The following ZMAT4 variants were observed in gnomAD, a reference collection of about 807,000 sequenced individuals.
The protein encoded by ZMAT4 is zinc finger matrin-type protein 4.
Under a neutral mutation model 28.7 loss-of-function variants are expected in ZMAT4, and 17 were observed. That is an observed-to-expected ratio of 0.59 (90% CI 0.41 to 0.89). The LOEUF (loss-of-function observed/expected upper bound fraction) is 0.89. Among genes scored for constraint, ZMAT4 ranks in the 40% least tolerant of loss-of-function variants. The pLI is 0.00. For missense variants in ZMAT4, 240 were observed against 283.8 expected (o/e 0.85, Z 1.11); for synonymous variants, 117 against 109.2 (o/e 1.07, Z -0.44).
chr8:40,668,156 T>C (rs1364856867), intron 5 of ZMAT4, among the ~76,000 whole-genome samples: 1 of 151,036 alleles, frequency 6.6e-6, no homozygotes, highest in Non-Finnish European at 1.5e-5. Flanking sequence ...AGCAGAAGAG[T>C]TCCCAGGCAT....
chr8:40,806,953 C>T (rs2150592378), intron 2 of ZMAT4, among the ~76,000 whole-genome samples: 1 of 152,008 alleles, frequency 6.6e-6, no homozygotes, highest in Non-Finnish European at 1.5e-5. Flanking sequence ...GAAATAGCTG[C>T]AAGTCACCCA....
intron 4 of ZMAT4, among the ~76,000 whole-genome samples, chr8:40,684,060 C>A (rs1450972221): frequency 6.7e-6 from 1 of 149,118 alleles, no homozygotes; most frequent in African/African-American, 2.5e-5. Context: ...GAGGAGATCC[C>A]GTCTTAGAAA....
intron 6 of ZMAT4, among the ~76,000 whole-genome samples, chr8:40,571,982 A>C (rs977350045): frequency 1.2e-4 from 19 of 152,164 alleles, no homozygotes; most frequent in Admixed American, 1.1e-3. Context: ...AAATTCTACA[A>C]AGAATATTAA....
At chr8:40,757,031 G>A (rs1322241595) in intron 3 of ZMAT4, among the ~76,000 whole-genome samples, 1 of 152,072 alleles carries the variant, frequency 6.6e-6, no homozygotes, top group African/African-American at 2.4e-5. Flanking sequence ...GGAACGCAGG[G>A]CAGCACTTCA....
At chr8:40,624,327 G>C (rs188652905) in intron 5 of ZMAT4, among the ~76,000 whole-genome samples, 1 of 152,186 alleles carries the variant, frequency 6.6e-6, no homozygotes, top group Non-Finnish European at 1.5e-5. Flanking sequence ...AGAGGGCAGT[G>C]GTCTGCAACT....
intron 5 of ZMAT4, among the ~76,000 whole-genome samples, chr8:40,656,619 A>T (rs1165200013): frequency 2.6e-5 from 4 of 152,168 alleles, no homozygotes; most frequent in Admixed American, 2.6e-4. Context: ...TGATGTACTG[A>T]TACATGCTAC....
intron 5 of ZMAT4, among the ~76,000 whole-genome samples, chr8:40,610,753 C>T (rs1805764309): frequency 6.6e-6 from 1 of 151,770 alleles, no homozygotes; most frequent in Non-Finnish European, 1.5e-5. Context: ...GAGATGATGC[C>T]TCATGCCCTC....
chr8:40,687,712 T>C lies in ZMAT4; in HGVS notation c.349+9533A>G, dbSNP rs148671166. ...CTAAATGTTCATTTACCACATATAC[T>C]ACAGTGAATCCTTCCCTCACCTTCT... On this transcript the variant is annotated intron_variant, in intron 4 of 6. Coordinates refer to ENST00000297737, the MANE Select transcript of ZMAT4 (RefSeq NM_024645.3). Among the ~76,000 whole-genome samples, 610 of 152,320 alleles carry C rather than the reference T, an allele frequency of 4.0e-3. 2 individuals carry two copies. Among genetic ancestry groups the C allele is most frequent in the African/African-American group, 0.014 (587 of 41,564 alleles).
rs967553617 is a variant in ZMAT4, at chr8:40,825,534, C to T, written c.102+41G>A. The T allele has an allele frequency of 1.1e-5, 17 of 1,518,442 alleles. No individual in the cohort carries two copies. In the Middle Eastern group the frequency reaches 5.3e-4, roughly 48 times the overall value. The allele number at this position is 1,518,442 out of a possible 1,614,324, so 94.1% of individuals were successfully genotyped here. A position where few individuals can be genotyped will look rare whatever the true frequency, so the allele number is the denominator to read the frequency against. The stretch of plus-strand genomic sequence containing the variant: ...CCTACAACAATGACCCGGGCTGCTC[C>T]CTCCTACATTTGCAAACAGAGTGGG... On this transcript the variant is annotated intron_variant, in intron 2 of 6. Coordinates refer to ENST00000297737, the MANE Select transcript of ZMAT4 (RefSeq NM_024645.3).
At chr8:40,587,989 G>GC (rs1458466431) in intron 5 of ZMAT4, among the ~76,000 whole-genome samples, 1 of 151,926 alleles carries the variant, frequency 6.6e-6, no homozygotes, top group African/African-American at 2.4e-5. Flanking sequence ...ATGACAAGAT[G>GC]TTTTTACCAG....
chr8:40,540,571 C>T (rs995985635), intron 6 of ZMAT4, among the ~76,000 whole-genome samples: 2 of 152,176 alleles, frequency 1.3e-5, no homozygotes, highest in Admixed American at 1.3e-4. Context: ...AATTGCAAGT[C>T]TAGCTCTCTC....
At chr8:40,751,590 T>A (rs1206444539) in intron 3 of ZMAT4, among the ~76,000 whole-genome samples, 2 of 152,046 alleles carry the variant, frequency 1.3e-5, no homozygotes, top group Admixed American at 6.5e-5. Context: ...GGGAATTACA[T>A]TTCAACCTGA....
Position 40,845,989 on chromosome 8 carries a change from G to T in ZMAT4, c.-4-20309C>A, listed in dbSNP as rs184588990. ...AATCTGTGAATCCTGGAATTCGAAG[G>T]TTTGGACTTCAGCCTCTTTCAAACT... On this transcript the variant is annotated intron_variant, in intron 1 of 6. Coordinates refer to ENST00000297737, the MANE Select transcript of ZMAT4 (RefSeq NM_024645.3). Among the ~76,000 whole-genome samples the T allele has an allele frequency of 8.7e-4, 133 of 152,136 alleles. 1 individual carries two copies. The highest frequency in any genetic ancestry group is 2.8e-3 in the African/African-American group (117 of 41,504).
intron 2 of ZMAT4, among the ~76,000 whole-genome samples, chr8:40,785,052 C>T (rs935079675): frequency 3.3e-5 from 5 of 152,226 alleles, no homozygotes; most frequent in African/African-American, 1.2e-4. Context: ...ATGTTTTCCT[C>T]GCACCCAAGA....
At chr8:40,546,767 C>T (rs897153846) in intron 6 of ZMAT4, among the ~76,000 whole-genome samples, 5 of 152,066 alleles carry the variant, frequency 3.3e-5, no homozygotes, top group African/African-American at 1.2e-4. Flanking sequence ...CTGCAAATGC[C>T]AGGAAATCAC....
At chr8:40,690,520 C>T (rs1452394967) in intron 4 of ZMAT4, among the ~76,000 whole-genome samples, 1 of 152,162 alleles carries the variant, frequency 6.6e-6, no homozygotes, top group African/African-American at 2.4e-5. Flanking sequence ...GCTTGTTTGA[C>T]AAACTATTGT....
chr8:40,694,719 C>T (rs1427170782), intron 4 of ZMAT4, among the ~76,000 whole-genome samples: 1 of 152,168 alleles, frequency 6.6e-6, no homozygotes. Context: ...TTCTCCTACC[C>T]TCCTGTCTCC....
At chr8:40,636,265 TC>T (rs1225443568) in intron 5 of ZMAT4, among the ~76,000 whole-genome samples, 2 of 152,308 alleles carry the variant, frequency 1.3e-5, no homozygotes, top group Non-Finnish European at 2.9e-5. Context: ...TGGCTTGCAC[TC>T]ACAAAATGGA....
At chr8:40,609,665 T>A (rs1585753366) in intron 5 of ZMAT4, among the ~76,000 whole-genome samples, 1 of 151,726 alleles carries the variant, frequency 6.6e-6, no homozygotes, top group Non-Finnish European at 1.5e-5. Flanking sequence ...AAGGTAAGAT[T>A]TTTTTTTTCT....
Sources: gnomAD v4.1 joint callset for allele counts (sites outside exome capture counted in the v4.1 genomes callset) on GRCh38, gnomAD v4.1.1 for gene constraint, MANE v1.5 for transcripts, NCBI Gene and HGNC (gene_info 2026-07-23, HGNC 2026-07-21) for gene names.